Variants in MRE11 observed in about 807,000 individuals in gnomAD.
MRE11 encodes the protein double-strand break repair protein MRE11.
A neutral mutation model predicts 91.7 loss-of-function variants in MRE11; 62 were observed. That is an observed-to-expected ratio of 0.68 (90% CI 0.55 to 0.84). The LOEUF (loss-of-function observed/expected upper bound fraction) is 0.84. MRE11 is among the 40% of genes least tolerant of loss of function. The probability of loss-of-function intolerance (pLI) is 0.00; values close to 1 mark genes in which losing one functional copy is unlikely to be tolerated. For synonymous variants in MRE11, 273 were observed against 271.4 expected, an observed-to-expected ratio of 1.01 and a Z score of -0.06; for missense variants, 796 against 852.9, an observed-to-expected ratio of 0.93 and a Z score of 0.83.
At chr11:94,477,635 T>C (rs1946898798) in intron 6 of MRE11, among the ~76,000 whole-genome samples, 2 of 152,248 alleles carry the variant, frequency 1.3e-5, no homozygotes, top group South Asian at 4.1e-4. Context: ...ATGTAGAACA[T>C]GTAACTGGAG....
At chr11:94,488,861 G>A (rs1947210082) in intron 3 of MRE11, among the ~76,000 whole-genome samples, 1 of 152,144 alleles carries the variant, frequency 6.6e-6, no homozygotes, top group Admixed American at 6.5e-5. Context: ...ATACCTGGGT[G>A]CCAAAATAAT....
At chr11:94,492,007 C>T (rs1034647550) in intron 2 of MRE11, among the ~76,000 whole-genome samples, 2 of 152,126 alleles carry the variant, frequency 1.3e-5, no homozygotes, top group Non-Finnish European at 2.9e-5. Context: ...ATAATTATTC[C>T]AATTATACCA....
At chr11:94,435,780 T>C in intron 18 of MRE11, 52 bp downstream of exon 18, 1 of 1,478,702 alleles carries the variant, frequency 6.8e-7, no homozygotes, top group Non-Finnish European at 9.4e-7. Context: ...GAATTCTGGA[T>C]AATTTTTAAT....
rs1945065948 is a variant in MRE11 at position 94,417,748 on chromosome 11, T to C, written c.*2377A>G. On this transcript the variant is annotated 3_prime_UTR_variant, in exon 20 of 20. Coordinates refer to ENST00000323929, the MANE Select transcript of MRE11 (RefSeq NM_005591.4). Reference sequence around the variant, plus strand: ...TTTATTCAACCATATGACTTTTCTGTATTTATTGTATTTCCTACTTTTAAA... The same window carrying C: ...TTTATTCAACCATATGACTTTTCTGCATTTATTGTATTTCCTACTTTTAAA... 2 of 232,962 alleles carry C rather than the reference T, an allele frequency of 8.6e-6. No homozygotes were observed. The highest frequency in any genetic ancestry group is 1.7e-5 in the Non-Finnish European group (2 of 117,958). The allele number at this position is 232,962 out of a possible 1,614,324, so 14.4% of individuals were successfully genotyped here.
chr11:94,463,404 C>T (rs1160294774), intron 11 of MRE11, among the ~76,000 whole-genome samples: 5 of 152,072 alleles, frequency 3.3e-5, no homozygotes, highest in Non-Finnish European at 5.9e-5. Context: ...CTAGAAATAC[C>T]ATTTGACCCA....
upstream of MRE11, chr11:94,498,157 A>G: frequency 1.2e-6 from 2 of 1,614,198 alleles, no homozygotes; most frequent in Non-Finnish European, 1.7e-6. Context: ...TTCATCGAGC[A>G]GCCTACAGTG....
chr11:94,490,975 G>C lies in MRE11; in HGVS notation c.21-10C>G, dbSNP rs200118981. The C allele has an allele frequency of 2.2e-6, 3 of 1,357,652 alleles. No homozygotes were observed. Among genetic ancestry groups the C allele is most frequent in the Non-Finnish European group, 3.1e-6 (3 of 957,692 alleles). 84.1% of individuals were successfully genotyped at this position (1,357,652 alleles called of 1,614,324 possible). On this transcript the variant is annotated splice_polypyrimidine_tract_variant and intron_variant, in intron 2 of 19. Transcript: ENST00000323929. ...TGTGTTTTCATCATCACTATATTAA[G>C]AAAGAAGAAACATTTCAATATATTA...
chr11:94,454,365 C>T (rs189879485), intron 14 of MRE11, among the ~76,000 whole-genome samples: 32 of 152,146 alleles, frequency 2.1e-4, no homozygotes, highest in Admixed American at 1.8e-3. Context: ...AGTCACAATG[C>T]CCAGCCTGAA....
At chr11:94,468,578 T>C (rs1311203271) in intron 9 of MRE11, among the ~76,000 whole-genome samples, 2 of 152,194 alleles carry the variant, frequency 1.3e-5, no homozygotes, top group Non-Finnish European at 2.9e-5. Flanking sequence ...ACTGCCTTCC[T>C]ATAACTTGGT....
intron 7 of MRE11, among the ~76,000 whole-genome samples, chr11:94,474,280 T>C (rs960708086): frequency 2.0e-5 from 3 of 151,984 alleles, no homozygotes; most frequent in African/African-American, 7.3e-5. Flanking sequence ...CATCTTGAGG[T>C]GCCAAAAAGC....
At chr11:94,456,709 C>T (rs896214821) in intron 13 of MRE11, among the ~76,000 whole-genome samples, 1 of 152,124 alleles carries the variant, frequency 6.6e-6, no homozygotes, top group Admixed American at 6.6e-5. Context: ...TTGCAAATCA[C>T]TCTTGTGCAC....
chr11:94,441,251 C>T (rs981622714), intron 16 of MRE11, among the ~76,000 whole-genome samples: 2 of 152,186 alleles, frequency 1.3e-5, no homozygotes, highest in Non-Finnish European at 2.9e-5. Context: ...CCACACCTTG[C>T]TCTTGTTAAT....
At chr11:94,457,871 T>TCC (rs1946295374) in intron 13 of MRE11, among the ~76,000 whole-genome samples, 1 of 97,474 alleles carries the variant, frequency 1.0e-5, no homozygotes, top group Non-Finnish European at 2.1e-5. Flanking sequence ...TTTCTCTCTC[T>TCC]CCCTCTCTCT....
chr11:94,512,399 T>C, the MRE11 span: 1 of 1,054,450 alleles, frequency 9.5e-7, no homozygotes, highest in Non-Finnish European at 1.2e-6. Flanking sequence ...ACCTAGGGCC[T>C]CGGAAGGCCG....
intron 18 of MRE11, among the ~76,000 whole-genome samples, chr11:94,432,614 T>A (rs191651793): frequency 1.1e-4 from 16 of 152,308 alleles, no homozygotes; most frequent in Admixed American, 8.5e-4. Context: ...CAGACCATCC[T>A]GGCTAACACG....
chr11:94,444,090 T>A (rs1331299050), intron 16 of MRE11, among the ~76,000 whole-genome samples: 9 of 151,890 alleles, frequency 5.9e-5, no homozygotes, highest in Non-Finnish European at 1.3e-4. Context: ...GTATTTTCAG[T>A]AGGGGACAGG....
At chr11:94,470,898 A>G (rs1308151948) in intron 8 of MRE11, among the ~76,000 whole-genome samples, 2 of 152,102 alleles carry the variant, frequency 1.3e-5, no homozygotes, top group African/African-American at 4.8e-5. Flanking sequence ...AGACATAATA[A>G]GCATAAAAAA....
intron 2 of MRE11, among the ~76,000 whole-genome samples, chr11:94,491,675 C>A (rs1947287539): frequency 6.6e-6 from 1 of 152,200 alleles, no homozygotes; most frequent in Admixed American, 6.5e-5. Flanking sequence ...GAGAAATTAA[C>A]TGCTTTATCA....
intron 14 of MRE11, among the ~76,000 whole-genome samples, chr11:94,451,834 A>G (rs2134940806): frequency 6.6e-6 from 1 of 152,324 alleles, no homozygotes; most frequent in East Asian, 1.9e-4. Context: ...TACTATGTGT[A>G]TATATCCAGA....
Sources: gnomAD v4.1 joint callset for allele counts (sites outside exome capture counted in the v4.1 genomes callset) on GRCh38, gnomAD v4.1.1 for gene constraint, MANE v1.5 for transcripts, NCBI Gene and HGNC (gene_info 2026-07-23, HGNC 2026-07-21) for gene names.